The following ANK2 variants were observed in gnomAD, a reference collection of about 807,000 sequenced individuals.
ANK2 encodes ankyrin 2.
Under a neutral mutation model 360.5 loss-of-function variants are expected in ANK2, and 83 were observed. The ratio of observed to expected loss-of-function variants is 0.23; its 90% CI spans 0.19 to 0.28. ANK2 has a LOEUF of 0.28. Among genes scored for constraint, ANK2 ranks in the 10% least tolerant of loss-of-function variants. The pLI is 1.00. For missense variants in ANK2, 4,201 were observed against 4,795.7 expected, an observed-to-expected ratio of 0.88 and a Z score of 3.66; for synonymous variants, 1,740 against 1,759.5, an observed-to-expected ratio of 0.99 and a Z score of 0.28.
intron 2 of ANK2, among the ~76,000 whole-genome samples, chr4:112,915,953 T>C (rs907375268): frequency 5.9e-5 from 9 of 152,034 alleles, no homozygotes; most frequent in African/African-American, 2.2e-4. Context: ...ATACGGAACA[T>C]AAAAAATTAA....
chr4:112,767,594 A>AAATAAATG, the ANK2 span, among the ~76,000 whole-genome samples: 1 of 151,662 alleles, frequency 6.6e-6, no homozygotes, highest in East Asian at 1.9e-4. Flanking sequence ...ATAAATAAAT[A>AAATAAATG]AATAATAAAA....
intron 2 of ANK2, among the ~76,000 whole-genome samples, chr4:113,024,608 T>C (rs964023368): frequency 6.6e-6 from 1 of 152,218 alleles, no homozygotes; most frequent in Non-Finnish European, 1.5e-5. Context: ...TGCAAAGTAC[T>C]TAAGGACAAA....
chr4:113,107,507 G>T (rs114682504), intron 1 of ANK2, among the ~76,000 whole-genome samples: 1 of 152,230 alleles, frequency 6.6e-6, no homozygotes, highest in East Asian at 1.9e-4. Flanking sequence ...ATGAGCCACC[G>T]CGCCCAGCCA....
At chr4:112,786,586 G>A in the ANK2 span, among the ~76,000 whole-genome samples, 3 of 151,378 alleles carry the variant, frequency 2.0e-5, no homozygotes, top group Non-Finnish European at 2.9e-5. Flanking sequence ...TAGTAGAGAC[G>A]GAGTTTCACC....
At chr4:113,266,668 G>A (rs191025223) in intron 14 of ANK2, among the ~76,000 whole-genome samples, 3 of 152,258 alleles carry the variant, frequency 2.0e-5, no homozygotes, top group African/African-American at 7.2e-5. Context: ...ACCTGAGGTT[G>A]GGAGTTTGAG....
Position 113,354,570 on chromosome 4 carries a change from T to C in ANK2, c.5952T>C (p.Ile1984=). The change falls in exon 38 of 46, where the codon ATT becomes ATC. Residue 1984 remains isoleucine, a synonymous_variant. Coordinates refer to ENST00000357077, the MANE Select transcript of ANK2 (RefSeq NM_001148.6). ...PVSPTSKTER[I]EETMSVRELM... is the part of the protein sequence containing the mutation. Reference sequence around the variant, plus strand: ...CCCCCACTTCAAAAACAGAGAGGATTGAGGAAACCATGTCTGTTCGGGAGC... The same window carrying C: ...CCCCCACTTCAAAAACAGAGAGGATCGAGGAAACCATGTCTGTTCGGGAGC... The C allele has an allele frequency of 6.2e-7, 1 of 1,614,014 alleles. No individual in the cohort carries two copies. The highest frequency in any genetic ancestry group is 8.5e-7 in the Non-Finnish European group (1 of 1,179,976).
rs570846129 is a variant in ANK2, at chr4:113,022,792, A to G, written c.21+118278A>G. 1.7e-4 allele frequency among the ~76,000 whole-genome samples: 26 copies of G among 152,298 alleles called. 1 individual carries two copies. In the East Asian group the frequency reaches 3.7e-3, roughly 21 times the overall value. On this transcript the variant is annotated intron_variant, in intron 2 of 30. Transcript: ENST00000503271. ...TTGAAAAATTAGCCAAATTCCCATC[A>G]TTGTGTTTTATCATCCTGATGGAAG...
chr4:113,381,713 G>A lies in ANK2; in HGVS notation c.*242G>A. On this transcript the variant is annotated 3_prime_UTR_variant, in exon 46 of 46. Transcript: ENST00000357077. Reference sequence around the variant, plus strand: ...CAGCTTCCTGTTTCAGTAGGGGAGTGACCTAACTGGCCTAATTAATGGGAT... The same window carrying A: ...CAGCTTCCTGTTTCAGTAGGGGAGTAACCTAACTGGCCTAATTAATGGGAT... 6.8e-7 allele frequency: 1 copy of A among 1,462,992 alleles called. No individual in the cohort carries two copies. 90.6% of individuals were successfully genotyped at this position (1,462,992 alleles called of 1,614,324 possible). A position where few individuals can be genotyped will look rare whatever the true frequency, so the allele number is the denominator to read the frequency against.
chr4:113,057,035 C>A (rs1434513737), intron 1 of ANK2, among the ~76,000 whole-genome samples: 1 of 152,130 alleles, frequency 6.6e-6, no homozygotes, highest in Non-Finnish European at 1.5e-5. Context: ...GGGAAAGTTC[C>A]CCCAATTCAA....
intron 1 of ANK2, among the ~76,000 whole-genome samples, chr4:113,118,907 G>A (rs2095114737): frequency 6.6e-6 from 1 of 152,038 alleles, no homozygotes. Context: ...TAGCAACTTT[G>A]CTTAGCTAGA....
At chr4:113,176,150 CA>C (rs1390049023) in intron 2 of ANK2, among the ~76,000 whole-genome samples, 1 of 152,128 alleles carries the variant, frequency 6.6e-6, no homozygotes, top group Non-Finnish European at 1.5e-5. Flanking sequence ...TCCTTTGTGT[CA>C]ACCCTGTTAG....
chr4:112,732,905 C>T, the ANK2 span, among the ~76,000 whole-genome samples: 4 of 151,810 alleles, frequency 2.6e-5, no homozygotes, highest in African/African-American at 4.8e-5. Context: ...CATGGTGAAA[C>T]CCCGTCTCTA....
At chr4:113,327,699 G>A (rs921130297) in intron 26 of ANK2, among the ~76,000 whole-genome samples, 9 of 152,158 alleles carry the variant, frequency 5.9e-5, no homozygotes, top group Admixed American at 4.6e-4. Flanking sequence ...CAGTGACCAG[G>A]AAAGTAAGCA....
intron 45 of ANK2, among the ~76,000 whole-genome samples, chr4:113,376,849 C>T (rs927210743): frequency 3.4e-5 from 4 of 116,154 alleles, no homozygotes; most frequent in Non-Finnish European, 4.9e-5. Flanking sequence ...TAAGCATGTA[C>T]ATTAGCCTAG....
At chr4:112,919,454 A>G (rs890210402) in intron 2 of ANK2, among the ~76,000 whole-genome samples, 3 of 152,144 alleles carry the variant, frequency 2.0e-5, no homozygotes, top group African/African-American at 7.2e-5. Context: ...GTAAGGAAAT[A>G]AAACAATTAG....
chr4:113,295,367 A>G (rs2070658989), intron 22 of ANK2, among the ~76,000 whole-genome samples: 1 of 152,132 alleles, frequency 6.6e-6, no homozygotes, highest in Non-Finnish European at 1.5e-5. Flanking sequence ...AAGAGATCTC[A>G]GGTTTGTAGA....
At chr4:113,165,012 CT>C (rs906300204) in intron 1 of ANK2, among the ~76,000 whole-genome samples, 5 of 151,212 alleles carry the variant, frequency 3.3e-5, no homozygotes, top group African/African-American at 4.8e-5. Flanking sequence ...ATAAAAGCAA[CT>C]TTTTTTTTGA....
chr4:112,851,093 C>G (rs2064873916), intron 1 of ANK2, among the ~76,000 whole-genome samples: 1 of 152,088 alleles, frequency 6.6e-6, no homozygotes, highest in African/African-American at 2.4e-5. Context: ...AGAAGTAAGA[C>G]AGATGAAGAC....
chr4:113,255,464 G>A (rs549057506), intron 10 of ANK2, among the ~76,000 whole-genome samples: 1 of 152,284 alleles, frequency 6.6e-6, no homozygotes, highest in South Asian at 2.1e-4. Context: ...CCTAATAACT[G>A]TAAAATCAGG....
Sources: gnomAD v4.1 joint callset for allele counts (sites outside exome capture counted in the v4.1 genomes callset) on GRCh38, gnomAD v4.1.1 for gene constraint, MANE v1.5 for transcripts, NCBI Gene and HGNC (gene_info 2026-07-23, HGNC 2026-07-21) for gene names.